The following KLHL2 variants were observed in gnomAD, a reference collection of about 807,000 sequenced individuals.
KLHL2 encodes the protein kelch like family member 2, also known as kelch-like protein 2.
In KLHL2, 15 loss-of-function variants were observed where a neutral mutation model predicts 75.8. That is an observed-to-expected ratio of 0.20 (90% confidence interval 0.13 to 0.30). The LOEUF (loss-of-function observed/expected upper bound fraction) is 0.30. Ranked by LOEUF, KLHL2 falls within the 10% of genes least tolerant of loss-of-function variation. The pLI is 1.00. For missense variants in KLHL2, 381 were observed against 741.0 expected (o/e 0.51, Z 5.64); for synonymous variants, 214 against 251.9 (o/e 0.85, Z 1.42).
rs766207054 is a variant in KLHL2 at position 165,207,887 on chromosome 4, C to T, written c.11C>T (p.Pro4Leu). 8 of 1,441,882 alleles carry T rather than the reference C, an allele frequency of 5.5e-6. No homozygotes were observed. The highest frequency in any genetic ancestry group is 5.5e-6 in the Non-Finnish European group (6 of 1,090,372). The allele number at this position is 1,441,882 out of a possible 1,614,324, so 89.3% of individuals were successfully genotyped here. The change falls in exon 1 of 15, where the codon CCG becomes CTG. Residue 4 changes from proline to leucine, a missense_variant. Around this residue, in one of 5 missense-constraint regions of KLHL2, gnomAD observed 48 missense variants for 88.9 expected, o/e 0.54. Coordinates refer to ENST00000226725, the MANE Select transcript of KLHL2 (RefSeq NM_007246.4). This position sits in a 1 kb window ranked among gnomAD's most constrained non-coding sequence, Gnocchi z 4.2. METPPLPPACTKQG... is the reference protein window; with the variant it reads METLPLPPACTKQG... ...CCGAGAGGAGCCACAATGGAGACGC[C>T]GCCGCTGCCTCCCGCGTGAGTGAGC...
intron 8 of KLHL2, among the ~76,000 whole-genome samples, chr4:165,300,462 CA>C (rs1433898153): frequency 6.6e-6 from 1 of 152,178 alleles, no homozygotes; most frequent in Non-Finnish European, 1.5e-5. Flanking sequence ...TGGTTCCCTG[CA>C]CATCATATGT....
chr4:165,306,591 T>G (rs1014821636), intron 9 of KLHL2, among the ~76,000 whole-genome samples: 28 of 152,218 alleles, frequency 1.8e-4, no homozygotes, highest in African/African-American at 5.8e-4. Flanking sequence ...GGTGCCAGTT[T>G]CCCTAAACTC....
Position 165,238,791 on chromosome 4 carries a change from G to A in KLHL2, c.273G>A (p.Glu91=). The change falls in exon 4 of 15, where the codon GAG becomes GAA. Residue 91 remains glutamate, a synonymous_variant. Coordinates refer to ENST00000226725, the MANE Select transcript of KLHL2 (RefSeq NM_007246.4). ...TTTGTGTTTTAGGTGAGATGAGTGA[G>A]AGCCGAGCAAAGAGAGTTAGAATAA... is the stretch of plus-strand genomic sequence containing the variant. ...FHAMFTGEMS[E]SRAKRVRIKE... is the part of the protein sequence containing the mutation. 6.2e-7 allele frequency: 1 copy of A among 1,614,014 alleles called. No homozygotes were observed. The highest frequency in any genetic ancestry group is 8.5e-7 in the Non-Finnish European group (1 of 1,179,988).
At position 165,215,574 on chromosome 4, in the gene KLHL2, A is replaced by C. The variant is rs541589220; in HGVS notation, c.27-4360A>C. ...TAATGGTGGGTGACTCATTGCAAGC[A>C]GGGGAGTCTTGCAGCTTTTGAGGTG... is the stretch of plus-strand genomic sequence containing the variant. On this transcript the variant is annotated intron_variant, in intron 1 of 14. Coordinates refer to ENST00000226725, the MANE Select transcript of KLHL2 (RefSeq NM_007246.4). Among the ~76,000 whole-genome samples the C allele has an allele frequency of 6.6e-5, 10 of 152,312 alleles. No homozygotes were observed. In the East Asian group the frequency reaches 1.9e-3, roughly 29 times the overall value.
intron 5 of KLHL2, among the ~76,000 whole-genome samples, chr4:165,263,802 A>ATTTTTTTT (rs1313576886): frequency 1.1e-5 from 1 of 93,532 alleles, no homozygotes; most frequent in Non-Finnish European, 2.3e-5. Context: ...GATTTTTTAC[A>ATTTTTTTT]TTGTTTTTTT....
intron 11 of KLHL2, among the ~76,000 whole-genome samples, chr4:165,311,878 T>G (rs1226380434): frequency 4.0e-5 from 6 of 151,218 alleles, no homozygotes; most frequent in Non-Finnish European, 8.9e-5. Context: ...GTTTGACTTA[T>G]ATAACACGTG....
rs1300098991 is a variant in KLHL2, at chr4:165,220,020, A to G, written c.113A>G (p.His38Arg). 2.5e-6 allele frequency: 4 copies of G among 1,612,078 alleles called. No homozygotes were observed. The highest frequency in any genetic ancestry group is 1.3e-5 in the African/African-American group (1 of 74,912). The change falls in exon 2 of 15, where the codon CAT becomes CGT. Residue 38 changes from histidine (H) to arginine (R), a missense_variant. Physicochemically the swap from His to Arg is conservative, Grantham distance 29. This residue lies in a region of KLHL2 where 48 missense variants were observed against 88.9 expected (regional missense o/e 0.54). Coordinates refer to ENST00000226725, the MANE Select transcript of KLHL2 (RefSeq NM_007246.4). ...KHCPVTVNPWHMKKAFKVMNE... is the reference protein window; with the variant it reads ...KHCPVTVNPWRMKKAFKVMNE... ...TGCCCAGTGACAGTGAATCCTTGGC[A>G]TATGAAGAAAGCTTTCAAAGTCATG... is the stretch of plus-strand genomic sequence containing the variant.
chr4:165,214,620 T>C (rs1578965734), intron 1 of KLHL2, among the ~76,000 whole-genome samples: 1 of 152,222 alleles, frequency 6.6e-6, no homozygotes, highest in East Asian at 1.9e-4. Context: ...TGCCAATGCT[T>C]CCCCACACAC....
intron 5 of KLHL2, chr4:165,278,660 A>G (rs56919208): frequency 0.036 from 57,526 of 1,598,362 alleles, 2,952 homozygotes; most frequent in African/African-American, 0.25. Context: ...TAGCCAGCGA[A>G]TAACAGCACC....
chr4:165,299,988 A>G (rs1399896636), intron 8 of KLHL2, among the ~76,000 whole-genome samples: 2 of 152,170 alleles, frequency 1.3e-5, no homozygotes, highest in Non-Finnish European at 2.9e-5. Context: ...CAGACCAGGT[A>G]GAAGGATTTC....
intron 2 of KLHL2, among the ~76,000 whole-genome samples, chr4:165,227,991 A>G (rs1219794515): frequency 1.3e-5 from 2 of 151,442 alleles, no homozygotes; most frequent in African/African-American, 4.9e-5. Context: ...TCTGCCTCCC[A>G]GGTTCAAGTG....
At chr4:165,238,677 G>A in intron 3 of KLHL2, 101 bp from the exon 4 acceptor site, 1 of 1,578,290 alleles carries the variant, frequency 6.3e-7, no homozygotes, top group Non-Finnish European at 8.6e-7. Context: ...GCTGCCTGTT[G>A]AATACAGTGA....
At chr4:165,230,380 AC>A (rs1469746547) in intron 3 of KLHL2, among the ~76,000 whole-genome samples, 1 of 152,216 alleles carries the variant, frequency 6.6e-6, no homozygotes, top group Non-Finnish European at 1.5e-5. Flanking sequence ...TAATAATATT[AC>A]CCACATCCTA....
intron 1 of KLHL2, among the ~76,000 whole-genome samples, chr4:165,215,397 G>A (rs59189518): frequency 0.08 from 12,202 of 152,264 alleles, 554 homozygotes; most frequent in Middle Eastern, 0.1. Flanking sequence ...ATGCTAGTAA[G>A]ATGCCTGCTT....
At chr4:165,290,155 GT>G (rs1351028831) in intron 5 of KLHL2, among the ~76,000 whole-genome samples, 1 of 149,492 alleles carries the variant, frequency 6.7e-6, no homozygotes. Context: ...TTTTTTATTT[GT>G]TTTTTTTTGA....
At chr4:165,236,325 G>A (rs12171342) in intron 3 of KLHL2, among the ~76,000 whole-genome samples, 3,316 of 152,268 alleles carry the variant, frequency 0.022, 82 homozygotes, top group East Asian at 0.1. Flanking sequence ...AGAGACTATG[G>A]GAGGTTACAA....
chr4:165,313,433 T>G (rs933564993), intron 12 of KLHL2, 67 bp downstream of exon 12: 36 of 1,327,120 alleles, frequency 2.7e-5, no homozygotes, highest in Middle Eastern at 1.9e-4. Context: ...GTAAAATGAT[T>G]CAGTGGCATC....
chr4:165,308,592 A>G (rs561381946), intron 9 of KLHL2, among the ~76,000 whole-genome samples: 2 of 152,100 alleles, frequency 1.3e-5, no homozygotes, highest in South Asian at 4.1e-4. Flanking sequence ...CACTTCATAG[A>G]TTGATTCATT....
At chr4:165,321,968 G>T in intron 14 of KLHL2, 64 bp from the exon 15 acceptor site, 1 of 1,423,130 alleles carries the variant, frequency 7.0e-7, no homozygotes. Flanking sequence ...AGAATTGAGT[G>T]TTTTCTCAGA....
Sources: gnomAD v4.1 joint callset for allele counts (sites outside exome capture counted in the v4.1 genomes callset) on GRCh38, gnomAD v4.1.1 for gene constraint, gnomAD v4.1.1 regional missense constraint, Gnocchi (gnomAD v3.1) non-coding constraint, MANE v1.5 for transcripts, NCBI Gene and HGNC (gene_info 2026-07-23, HGNC 2026-07-21) for gene names.